Variants in EDIL3 observed in about 807,000 individuals in gnomAD.
EDIL3 encodes the protein EGF-like repeat and discoidin I-like domain-containing protein 3.
A neutral mutation model predicts 67.4 loss-of-function variants in EDIL3; 37 were observed. The observed-to-expected ratio is 0.55, with a 90% CI of 0.42 to 0.72. EDIL3 has a LOEUF of 0.72. Ranked by LOEUF, EDIL3 falls within the 30% of genes least tolerant of loss-of-function variation. The pLI, the probability that EDIL3 is intolerant of heterozygous loss-of-function variation, is 0.00. For missense variants in EDIL3, 527 were observed against 586.3 expected, an observed-to-expected ratio of 0.90 and a Z score of 1.04; for synonymous variants, 195 against 196.3, an observed-to-expected ratio of 0.99 and a Z score of 0.05.
chr5:84,239,574 A>G (rs754451220), intron 2 of EDIL3, among the ~76,000 whole-genome samples: 1 of 152,172 alleles, frequency 6.6e-6, no homozygotes, highest in Non-Finnish European at 1.5e-5. Context: ...TGGAACCTTC[A>G]GCTACATCTT....
Position 84,238,663 on chromosome 5 carries a change from A to ATGTTTT in EDIL3, c.197-8785_197-8780dup, listed in dbSNP as rs1554037690. 7.9e-4 allele frequency among the ~76,000 whole-genome samples: 21 copies of ATGTTTT among 26,664 alleles called. 1 individual carries two copies. The highest frequency in any genetic ancestry group is 1.4e-3 in the Non-Finnish European group (21 of 15,096). 17.5% of individuals were successfully genotyped at this position (26,664 alleles called of 152,430 possible). A position where few individuals can be genotyped will look rare whatever the true frequency, so the allele number is the denominator to read the frequency against. ...CTGTTACAACAGGAGCTAAAATTAAATGTTTTTTTTTTTTTTTTTTCAGAA... is the reference window on the plus strand; with the variant it reads ...CTGTTACAACAGGAGCTAAAATTAAATGTTTTTGTTTTTTTTTTTTTTTTTTCAGAA... On this transcript the variant is annotated intron_variant, in intron 2 of 10. Coordinates refer to ENST00000296591, the MANE Select transcript of EDIL3 (RefSeq NM_005711.5).
In EDIL3 at chr5:84,245,868, C is replaced by T. The variant is rs188022267; in HGVS notation, c.196+8216G>A. ...GAGTAAAAGGGCAATTTGATATTAC[C>T]TTCAATTTTCACCTTCCTATTTTTT... On this transcript the variant is annotated intron_variant, in intron 2 of 10. Coordinates refer to ENST00000296591, the MANE Select transcript of EDIL3 (RefSeq NM_005711.5). Among the ~76,000 whole-genome samples the T allele has an allele frequency of 8.2e-3, 1,221 of 149,746 alleles. 9 individuals carry two copies. Among genetic ancestry groups the T allele is most frequent in the Non-Finnish European group, 0.012 (822 of 67,672 alleles).
intron 8 of EDIL3, among the ~76,000 whole-genome samples, chr5:84,061,591 G>C (rs975852723): frequency 6.6e-6 from 1 of 152,058 alleles, no homozygotes; most frequent in Non-Finnish European, 1.5e-5. Context: ...CCATTTCCCA[G>C]CTGTGTAGCC....
chr5:83,990,436 G>A (rs556293069), intron 9 of EDIL3, among the ~76,000 whole-genome samples: 5 of 147,694 alleles, frequency 3.4e-5, no homozygotes, highest in African/African-American at 1.0e-4. Context: ...GCAGTGAGCC[G>A]AGATTGGGCC....
At chr5:83,971,750 C>T (rs1364283939) in intron 9 of EDIL3, among the ~76,000 whole-genome samples, 1 of 151,912 alleles carries the variant, frequency 6.6e-6, no homozygotes, top group Non-Finnish European at 1.5e-5. Flanking sequence ...CATATAAGCT[C>T]CTCTTTGTCC....
chr5:83,994,387 T>G (rs1745201731), intron 9 of EDIL3, among the ~76,000 whole-genome samples: 1 of 151,970 alleles, frequency 6.6e-6, no homozygotes, highest in Admixed American at 6.6e-5. Context: ...AGGCTTTTTT[T>G]TTTTTCATTT....
At chr5:84,102,537 G>A (rs1040706128) in intron 6 of EDIL3, among the ~76,000 whole-genome samples, 3 of 151,300 alleles carry the variant, frequency 2.0e-5, no homozygotes, top group African/African-American at 7.3e-5. Flanking sequence ...AAAATTACTG[G>A]CATTCCTATA....
At chr5:84,048,733 T>C (rs1746276279) in intron 9 of EDIL3, among the ~76,000 whole-genome samples, 1 of 152,044 alleles carries the variant, frequency 6.6e-6, no homozygotes, top group South Asian at 2.1e-4. Context: ...TCACCACCAA[T>C]ACGGCAATGA....
At chr5:84,072,451 C>T (rs1430940320) in intron 6 of EDIL3, among the ~76,000 whole-genome samples, 2 of 152,054 alleles carry the variant, frequency 1.3e-5, no homozygotes, top group African/African-American at 2.4e-5. Context: ...TGTTGGACTA[C>T]ACAATATTAG....
intron 1 of EDIL3, among the ~76,000 whole-genome samples, chr5:84,367,771 G>A (rs1197982033): frequency 3.9e-5 from 6 of 152,238 alleles, no homozygotes; most frequent in East Asian, 3.9e-4. Context: ...ATGATGGAGC[G>A]AGACTCTGTC....
chr5:83,947,298 T>C (rs930135222), intron 10 of EDIL3, among the ~76,000 whole-genome samples: 4 of 151,720 alleles, frequency 2.6e-5, no homozygotes, highest in Non-Finnish European at 2.9e-5. Context: ...TGACCTGCTG[T>C]TCTTAAGGGA....
rs182636727 is a variant in EDIL3 at position 84,284,202 on chromosome 5, T to C, written c.68-29990A>G. ...TTGGGTTGTTTAATTTGTCTATTTT[T>C]AAAACAAAATGCATTGTCAATATTT... On this transcript the variant is annotated intron_variant, in intron 1 of 10. Transcript: ENST00000296591. Among the ~76,000 whole-genome samples, 5 of 152,340 alleles carry C rather than the reference T, an allele frequency of 3.3e-5. No individual in the cohort carries two copies. In the East Asian group the frequency reaches 9.6e-4, roughly 29 times the overall value.
chr5:83,979,565 GT>G (rs1744930235), intron 9 of EDIL3, among the ~76,000 whole-genome samples: 1 of 152,086 alleles, frequency 6.6e-6, no homozygotes, highest in South Asian at 2.1e-4. Flanking sequence ...AGAATTATAT[GT>G]ATCAACTTGG....
At chr5:84,339,438 C>T (rs1219034240) in intron 1 of EDIL3, among the ~76,000 whole-genome samples, 1 of 152,070 alleles carries the variant, frequency 6.6e-6, no homozygotes, top group East Asian at 1.9e-4. Context: ...GCACTGTACC[C>T]ATCATCCTGT....
intron 6 of EDIL3, chr5:84,078,714 A>T (rs935171007): frequency 6.6e-6 from 1 of 152,164 alleles, no homozygotes; most frequent in African/African-American, 2.4e-5. Context: ...GTGGGGGAAA[A>T]ATCATTGGTT....
intron 1 of EDIL3, among the ~76,000 whole-genome samples, chr5:84,300,513 C>T (rs1746137037): frequency 6.6e-6 from 1 of 152,180 alleles, no homozygotes. Flanking sequence ...TATCATGTTG[C>T]AATCTTATCT....
chr5:84,297,177 GA>G (rs61365875), intron 1 of EDIL3, among the ~76,000 whole-genome samples: 700 of 63,238 alleles, frequency 0.011, 1 homozygote, highest in East Asian at 0.051. Context: ...GCAAGACTCC[GA>G]AAAAAAAAAA....
At position 84,020,391 on chromosome 5, in the gene EDIL3, G is replaced by T. The variant is rs80240096; in HGVS notation, c.1137+39909C>A. Among the ~76,000 whole-genome samples, 878 of 152,090 alleles carry T rather than the reference G, an allele frequency of 5.8e-3. 12 individuals carry two copies. The highest frequency in any genetic ancestry group is 0.02 in the African/African-American group (844 of 41,502). ...GTCTGAATTAAGGATGAAAATGTCAGGTCAAACTCATTTCTTATTACAATC... is the reference window on the plus strand; with the variant it reads ...GTCTGAATTAAGGATGAAAATGTCATGTCAAACTCATTTCTTATTACAATC... On this transcript the variant is annotated intron_variant, in intron 9 of 10. Coordinates refer to ENST00000296591, the MANE Select transcript of EDIL3 (RefSeq NM_005711.5).
At chr5:84,214,125 GTTA>G (rs1490538320) in intron 3 of EDIL3, among the ~76,000 whole-genome samples, 2 of 152,116 alleles carry the variant, frequency 1.3e-5, no homozygotes, top group African/African-American at 4.8e-5. Context: ...TTTCCTACCA[GTTA>G]TTACTAACAA....
Sources: gnomAD v4.1 joint callset for allele counts (sites outside exome capture counted in the v4.1 genomes callset) on GRCh38, gnomAD v4.1.1 for gene constraint, MANE v1.5 for transcripts, NCBI Gene and HGNC (gene_info 2026-07-23, HGNC 2026-07-21) for gene names.